The following IFT74 variants were observed in gnomAD, a reference collection of about 807,000 sequenced individuals.
IFT74 encodes intraflagellar transport protein 74 homolog.
Under a neutral mutation model 96.7 loss-of-function variants are expected in IFT74, and 92 were observed. The ratio of observed to expected loss-of-function variants is 0.95; its 90% CI spans 0.80 to 1.13. The LOEUF is 1.13. Among genes scored for constraint, IFT74 ranks in the 50% most tolerant of loss-of-function variants. The pLI, the probability that IFT74 is intolerant of heterozygous loss-of-function variation, is 0.00. For missense variants in IFT74, 811 were observed against 698.2 expected (o/e 1.16, Z -1.82); for synonymous variants, 223 against 213.2 (o/e 1.05, Z -0.40).
At chr9:26,988,786 C>T in intron 7 of IFT74, 58 bp downstream of exon 7, 2 of 1,352,962 alleles carry the variant, frequency 1.5e-6, no homozygotes, top group South Asian at 1.4e-5. Flanking sequence ...CAAAACAAAG[C>T]ATTTATATCT....
intron 13 of IFT74, among the ~76,000 whole-genome samples, chr9:27,034,669 C>T (rs1255478403): frequency 6.6e-6 from 1 of 152,186 alleles, no homozygotes; most frequent in Admixed American, 6.5e-5. Flanking sequence ...GCTGGGATTA[C>T]AGGCATGCGC....
Position 26,995,933 on chromosome 9 carries a change from T to C in IFT74, c.587+5738T>C. The C allele has an allele frequency of 7.8e-6, 7 of 900,482 alleles. 1 individual carries two copies. In the South Asian group the frequency reaches 1.5e-4, roughly 19 times the overall value. The allele number at this position is 900,482 out of a possible 1,614,324, so 55.8% of individuals were successfully genotyped here. Reference sequence around the variant, plus strand: ...TCATAATTATATATCCTAATTCTCCTCAATATTGGTATTAAAAATAAACAT... The same window carrying C: ...TCATAATTATATATCCTAATTCTCCCCAATATTGGTATTAAAAATAAACAT... On this transcript the variant is annotated intron_variant, in intron 8 of 19. Transcript: ENST00000380062.
intron 8 of IFT74, among the ~76,000 whole-genome samples, chr9:27,000,005 G>A (rs1048423134): frequency 2.0e-5 from 3 of 151,988 alleles, no homozygotes; most frequent in African/African-American, 7.2e-5. Context: ...TCCTGGGTGC[G>A]AGCCATTTCC....
At chr9:26,966,409 A>G (rs745439775) in intron 2 of IFT74, among the ~76,000 whole-genome samples, 1 of 151,898 alleles carries the variant, frequency 6.6e-6, no homozygotes, top group African/African-American at 2.4e-5. Flanking sequence ...TTTGATTTGC[A>G]TTTCTCTGAT....
chr9:27,018,782 A>G (rs1370985716), intron 12 of IFT74, 95 bp downstream of exon 12: 2 of 656,984 alleles, frequency 3.0e-6, no homozygotes, highest in Admixed American at 5.9e-5. Flanking sequence ...TTTCAATTTT[A>G]CTTATAGCTT....
chr9:26,965,602 A>C (rs769811010), intron 2 of IFT74, among the ~76,000 whole-genome samples: 1 of 152,104 alleles, frequency 6.6e-6, no homozygotes, highest in Non-Finnish European at 1.5e-5. Context: ...TTGGCCACCT[A>C]CTATTTGCCA....
At chr9:26,966,057 A>G (rs560042991) in intron 2 of IFT74, among the ~76,000 whole-genome samples, 4 of 151,724 alleles carry the variant, frequency 2.6e-5, no homozygotes, top group South Asian at 2.1e-4. Context: ...TGTATACCAC[A>G]TTTTCTTTAC....
chr9:27,031,520 T>G (rs923086869), intron 13 of IFT74, among the ~76,000 whole-genome samples: 4 of 151,250 alleles, frequency 2.6e-5, no homozygotes, highest in Non-Finnish European at 5.9e-5. Flanking sequence ...CTTGAGAGTT[T>G]ATATCTTATA....
intron 12 of IFT74, among the ~76,000 whole-genome samples, chr9:27,020,836 T>C (rs1443381425): frequency 6.6e-6 from 1 of 152,120 alleles, no homozygotes; most frequent in Non-Finnish European, 1.5e-5. Context: ...GATAATTTCT[T>C]GAGTGGTGAT....
chr9:27,055,626 T>G lies in IFT74; in HGVS notation c.1351T>G (p.Leu451Val), dbSNP rs1256581589. 13 of 1,577,784 alleles carry G rather than the reference T, an allele frequency of 8.2e-6. No homozygotes were observed. Among genetic ancestry groups the G allele is most frequent in the Non-Finnish European group, 1.1e-5 (13 of 1,167,386 alleles). ...NLTSDIQRLQ[L>V]DLQKMELLES... ...TGTTTCAGACATTCAACGTCTGCAG[T>G]TGGATCTGCAGAAAATGGAGCTTCT... Residue 451 changes from leucine (L) to valine (V), a missense_variant, in exon 17 of 20, where the codon TTG becomes GTG. Leu to Val is a conservative substitution (Grantham distance 32). Coordinates refer to ENST00000380062, the MANE Select transcript of IFT74 (RefSeq NM_025103.4).
intron 9 of IFT74, among the ~76,000 whole-genome samples, chr9:27,011,150 G>A (rs749130101): frequency 1.3e-5 from 2 of 152,176 alleles, no homozygotes; most frequent in African/African-American, 2.4e-5. Flanking sequence ...CTACTCGGGA[G>A]GCTGAGGCAG....
intron 14 of IFT74, among the ~76,000 whole-genome samples, chr9:27,046,408 G>T (rs947970493): frequency 3.3e-5 from 5 of 152,130 alleles, no homozygotes; most frequent in African/African-American, 1.2e-4. Context: ...TGTTATTCAT[G>T]CTAACAGTAA....
chr9:27,011,622 GCT>G (rs1459247197), intron 9 of IFT74, among the ~76,000 whole-genome samples: 1 of 149,932 alleles, frequency 6.7e-6, no homozygotes, highest in African/African-American at 2.4e-5. Flanking sequence ...CTAAGGTCTA[GCT>G]ACTTTTGAGA....
At chr9:26,986,616 C>A (rs1563952122) in intron 6 of IFT74, among the ~76,000 whole-genome samples, 1 of 151,388 alleles carries the variant, frequency 6.6e-6, no homozygotes, top group Non-Finnish European at 1.5e-5. Flanking sequence ...TGTGCCTGGA[C>A]TATTTTTATT....
upstream of IFT74, chr9:26,956,160 C>A (rs1037262749): frequency 6.6e-6 from 1 of 152,262 alleles, no homozygotes; most frequent in Non-Finnish European, 1.5e-5. Context: ...AGAGTTACTT[C>A]AAGTAAGGCA....
chr9:27,022,310 A>T (rs115779783), intron 12 of IFT74, among the ~76,000 whole-genome samples: 162 of 152,222 alleles, frequency 1.1e-3, no homozygotes, highest in African/African-American at 3.7e-3. Flanking sequence ...TGCTTTGGCT[A>T]TGCAGGCTCG....
intron 11 of IFT74, 127 bp from the exon 12 acceptor site, chr9:27,018,520 A>T (rs1829457528): frequency 2.2e-6 from 1 of 457,646 alleles, no homozygotes; most frequent in Non-Finnish European, 4.0e-6. Flanking sequence ...AATCTAAAAA[A>T]TAGATTTCAA....
At chr9:27,041,852 T>C (rs1472401619) in intron 13 of IFT74, among the ~76,000 whole-genome samples, 1 of 152,134 alleles carries the variant, frequency 6.6e-6, no homozygotes, top group Non-Finnish European at 1.5e-5. Context: ...CTCTCCTTCT[T>C]AGCAATAGTG....
chr9:27,014,172 G>A (rs918780545), intron 10 of IFT74, among the ~76,000 whole-genome samples: 21 of 152,192 alleles, frequency 1.4e-4, no homozygotes, highest in South Asian at 8.3e-4. Flanking sequence ...CCAAGATCAC[G>A]CCACTGCACT....
Sources: allele counts gnomAD v4.1 joint callset (sites outside exome capture counted in the v4.1 genomes callset), GRCh38; gene constraint gnomAD v4.1.1; transcripts MANE v1.5; gene names NCBI Gene and HGNC (gene_info 2026-07-23, HGNC 2026-07-21).